The following TRIM2 variants were observed in gnomAD, a reference collection of about 807,000 sequenced individuals.
The protein encoded by TRIM2 is tripartite motif containing 2.
TRIM2 carries 20 observed loss-of-function variants against 75.2 expected under a neutral mutation model. That is an observed-to-expected ratio of 0.27 (90% CI 0.19 to 0.39). The LOEUF (loss-of-function observed/expected upper bound fraction) is 0.39, where lower values mean the gene tolerates loss of function less well. Ranked by LOEUF, TRIM2 falls within the 10% of genes least tolerant of loss-of-function variation. The pLI is 1.00. For synonymous variants in TRIM2, 373 were observed against 388.3 expected (o/e 0.96, Z 0.46); for missense variants, 660 against 990.8 (o/e 0.67, Z 4.48).
In TRIM2 at chr4:153,328,636, T is replaced by A; in HGVS notation, c.2129T>A (p.Ile710Asn). ...TGVAVDSNGNIIVADWGNSRI... is the reference protein window; with the variant it reads ...TGVAVDSNGNNIVADWGNSRI... ...GTAGCAGTGGATTCAAATGGAAACA[T>A]CATTGTGGCCGACTGGGGAAACAGC... Residue 710 changes from isoleucine to asparagine, a missense_variant, in exon 11 of 12, where the codon ATC (isoleucine) becomes AAC (asparagine). By Grantham distance (149) the Ile-to-Asn change is moderately radical (BLOSUM62 -3). Transcript: ENST00000338700. 1 of 1,612,372 alleles carries A rather than the reference T, an allele frequency of 6.2e-7. No individual in the cohort carries two copies.
intron 1 of TRIM2, among the ~76,000 whole-genome samples, chr4:153,242,805 G>C (rs1042050456): frequency 6.6e-6 from 1 of 152,240 alleles, no homozygotes; most frequent in Non-Finnish European, 1.5e-5. Context: ...TCTGCGAATG[G>C]CTTTGCCACT....
At chr4:153,175,491 G>C (rs1407900672) in intron 1 of TRIM2, among the ~76,000 whole-genome samples, 1 of 152,076 alleles carries the variant, frequency 6.6e-6, no homozygotes, top group Non-Finnish European at 1.5e-5. Context: ...ACAGCGGGGG[G>C]AGGGGGTGCA....
intron 1 of TRIM2, among the ~76,000 whole-genome samples, chr4:153,256,742 C>T (rs1399826530): frequency 6.6e-6 from 1 of 152,122 alleles, no homozygotes; most frequent in Admixed American, 6.5e-5. Context: ...GTCTGGTTAT[C>T]CCCGAATCAA....
chr4:153,285,092 G>GT (rs1170914128), intron 3 of TRIM2, among the ~76,000 whole-genome samples: 1 of 152,062 alleles, frequency 6.6e-6, no homozygotes, highest in African/African-American at 2.4e-5. Context: ...GGTCTTTTAT[G>GT]TATCTTGAGT....
In TRIM2 at chr4:153,315,539, C is replaced by A; in HGVS notation, c.1565C>A (p.Ser522Tyr). 6.2e-7 allele frequency: 1 copy of A among 1,611,310 alleles called. No individual in the cohort carries two copies. Among genetic ancestry groups the A allele is most frequent in the South Asian group, 1.1e-5 (1 of 90,352 alleles). ...EFTNLQGVAA[S>Y]TNGKILIADS... is the part of the protein sequence containing the mutation. ...ACAAATCTTCAGGGGGTAGCTGCAT[C>A]TACAAATGGAAAGATATTAATTGCA... Residue 522 changes from serine (S) to tyrosine (Y), a missense_variant, in exon 7 of 12, where the codon TCT becomes TAT. Physicochemically the swap from Ser to Tyr is moderately radical, Grantham distance 144. Coordinates refer to ENST00000338700, the MANE Select transcript of TRIM2 (RefSeq NM_015271.5).
chr4:153,332,961 C>T (rs943722997), intron 11 of TRIM2, among the ~76,000 whole-genome samples: 3 of 152,188 alleles, frequency 2.0e-5, no homozygotes, highest in Non-Finnish European at 2.9e-5. Flanking sequence ...ATAAATTATA[C>T]TCCTGGCTGT....
At chr4:153,187,678 G>C (rs1177230272) in intron 1 of TRIM2, among the ~76,000 whole-genome samples, 1 of 152,222 alleles carries the variant, frequency 6.6e-6, no homozygotes, top group Non-Finnish European at 1.5e-5. Flanking sequence ...GCCTCGCCCA[G>C]GTGGGCTGCA....
intron 9 of TRIM2, 53 bp from the exon 10 acceptor site, chr4:153,324,025 A>ATG (rs1769577530): frequency 4.2e-6 from 6 of 1,412,492 alleles, no homozygotes; most frequent in Non-Finnish European, 6.0e-6. Context: ...TAACTGCTAT[A>ATG]TGTAATCACT....
At chr4:153,304,628 G>A (rs943954040) in intron 6 of TRIM2, among the ~76,000 whole-genome samples, 8 of 152,108 alleles carry the variant, frequency 5.3e-5, no homozygotes, top group African/African-American at 1.9e-4. Flanking sequence ...TTGATAAGGA[G>A]CTGGGACTTT....
intron 1 of TRIM2, among the ~76,000 whole-genome samples, chr4:153,159,296 C>T (rs199900611): frequency 1.2e-3 from 110 of 89,060 alleles, no homozygotes; most frequent in African/African-American, 1.6e-3. Context: ...TTTACAAAAT[C>T]TTTTTTTTTT....
intron 1 of TRIM2, among the ~76,000 whole-genome samples, chr4:153,175,987 T>G (rs1431252642): frequency 6.6e-6 from 1 of 151,866 alleles, no homozygotes; most frequent in East Asian, 1.9e-4. Context: ...GAGGCTATAG[T>G]GCACCCTGAT....
chr4:153,154,244 A>G (rs1729013310), intron 1 of TRIM2, among the ~76,000 whole-genome samples: 1 of 152,220 alleles, frequency 6.6e-6, no homozygotes, highest in Non-Finnish European at 1.5e-5. Flanking sequence ...TATGTGATAC[A>G]GAGGCAGGCG....
In TRIM2 at chr4:153,316,142, G is replaced by C. The variant is rs41280467; in HGVS notation, c.1782+143G>C. On this transcript the variant is annotated intron_variant, in intron 8 of 11. Coordinates refer to ENST00000338700, the MANE Select transcript of TRIM2 (RefSeq NM_015271.5). ...AAAGATATCTGACATCTAAGTTTGTGAAGTGAGAGTAACAGTGATAATTTC... is the reference window on the plus strand; with the variant it reads ...AAAGATATCTGACATCTAAGTTTGTCAAGTGAGAGTAACAGTGATAATTTC... The C allele has an allele frequency of 0.018, 14,459 of 790,708 alleles. 201 individuals carry two copies. The highest frequency in any genetic ancestry group is 0.024 in the Non-Finnish European group (12,384 of 523,694). 49.0% of individuals were successfully genotyped at this position (790,708 alleles called of 1,614,324 possible).
At chr4:153,303,217 A>G (rs181514194) in intron 6 of TRIM2, among the ~76,000 whole-genome samples, 210 of 152,250 alleles carry the variant, frequency 1.4e-3, no homozygotes, top group African/African-American at 4.8e-3. Flanking sequence ...TAATCCTGGC[A>G]CTTTGGGAGG....
At chr4:153,171,905 A>G (rs1224964577) in intron 1 of TRIM2, among the ~76,000 whole-genome samples, 4 of 140,422 alleles carry the variant, frequency 2.8e-5, no homozygotes, top group African/African-American at 1.1e-4. Flanking sequence ...ACATGTCACT[A>G]TGGATAACTA....
At chr4:153,250,197 A>G (rs1750522769) in intron 1 of TRIM2, among the ~76,000 whole-genome samples, 1 of 151,884 alleles carries the variant, frequency 6.6e-6, no homozygotes. Flanking sequence ...TCAGCTTACT[A>G]CAACCTCAGC....
chr4:153,256,236 A>G (rs961438085), intron 1 of TRIM2, among the ~76,000 whole-genome samples: 4 of 152,254 alleles, frequency 2.6e-5, no homozygotes, highest in South Asian at 2.1e-4. Flanking sequence ...ATGTATGTGC[A>G]TTTCTGGGGT....
intron 1 of TRIM2, among the ~76,000 whole-genome samples, chr4:153,196,742 G>C (rs1009110168): frequency 2.6e-5 from 4 of 152,212 alleles, no homozygotes; most frequent in African/African-American, 9.6e-5. Flanking sequence ...GATGGTGTGA[G>C]AAAGTCTTTG....
chr4:153,261,282 T>G (rs56223060), intron 1 of TRIM2, among the ~76,000 whole-genome samples: 13,013 of 152,152 alleles, frequency 0.086, 718 homozygotes, highest in Middle Eastern at 0.13. Context: ...ATTTAGCTGG[T>G]TGTGGTGGGG....
Sources: gnomAD v4.1 joint callset for allele counts (sites outside exome capture counted in the v4.1 genomes callset) on GRCh38, gnomAD v4.1.1 for gene constraint, MANE v1.5 for transcripts, NCBI Gene and HGNC (gene_info 2026-07-23, HGNC 2026-07-21) for gene names.